Variants in MMEL1 observed in about 807,000 individuals in gnomAD.
MMEL1 encodes the protein membrane metalloendopeptidase like 1.
A neutral mutation model predicts 117.1 loss-of-function variants in MMEL1; 98 were observed. The observed-to-expected ratio is 0.84, with a 90% CI of 0.71 to 0.99. MMEL1 has a LOEUF of 0.99. Ranked by LOEUF, MMEL1 falls within the 50% of genes least tolerant of loss-of-function variation. The pLI is 0.00. For missense variants in MMEL1, 1,014 were observed against 1,049.1 expected (o/e 0.97, Z 0.46); for synonymous variants, 390 against 415.1 (o/e 0.94, Z 0.74).
intron 2 of MMEL1, among the ~76,000 whole-genome samples, chr1:2,621,014 A>G (rs762564250): frequency 3.9e-5 from 6 of 152,172 alleles, no homozygotes; most frequent in Non-Finnish European, 8.8e-5. Flanking sequence ...GCCAGGCGTG[A>G]TGGCTCACAC....
Position 2,609,650 on chromosome 1 carries a change from C to G in MMEL1, c.454+20G>C. The G allele has an allele frequency of 6.3e-7, 1 of 1,596,334 alleles. No individual in the cohort carries two copies. The highest frequency in any genetic ancestry group is 1.1e-5 in the South Asian group (1 of 87,896). On this transcript the variant is annotated intron_variant, in intron 5 of 23. Coordinates refer to ENST00000378412, the MANE Select transcript of MMEL1 (RefSeq NM_033467.4). ...CCTGTTCGGCGTCACCCCACTGCAC[C>G]CCCGGCCGTGCTCTGCCACCTTTGA...
Position 2,594,443 on chromosome 1 carries a change from G to A in MMEL1, c.1689C>T (p.Leu563=), listed in dbSNP as rs538747463. 9.7e-6 allele frequency: 15 copies of A among 1,551,426 alleles called. No homozygotes were observed. The African/African-American group carries it at 1.9e-4, about 20-fold the overall frequency. The change falls in exon 18 of 24, where the codon CTC becomes CTT. Residue 563 remains leucine (L), a splice_region_variant and synonymous_variant. Coordinates refer to ENST00000378412, the MANE Select transcript of MMEL1 (RefSeq NM_033467.4). ...TGACCACCGCCGCCCCGATGATCCAGCTGTGATAGACAAGCCGGTCTCTGG... is the reference window on the plus strand; with the variant it reads ...TGACCACCGCCGCCCCGATGATCCAACTGTGATAGACAAGCCGGTCTCTGG... ...RKLREKVDPN[L]WIIGAAVVNA... is the part of the protein sequence containing the mutation.
intron 18 of MMEL1, 177 bp from the exon 19 acceptor site, chr1:2,594,110 G>C (rs994053585): frequency 1.1e-6 from 1 of 903,936 alleles, no homozygotes; most frequent in African/African-American, 1.7e-5. Context: ...GGGCGGGCTC[G>C]TGCCTGGCAG....
At chr1:2,623,707 C>G (rs759934827) in intron 2 of MMEL1, among the ~76,000 whole-genome samples, 2 of 152,166 alleles carry the variant, frequency 1.3e-5, no homozygotes, top group Non-Finnish European at 2.9e-5. Flanking sequence ...TCCCAGATGC[C>G]GATGAGAAAG....
In MMEL1 at chr1:2,604,243, G is replaced by A. The variant is rs748758984; in HGVS notation, c.855C>T (p.Ala285=). 1.2e-6 allele frequency: 2 copies of A among 1,612,904 alleles called. No homozygotes were observed. Among genetic ancestry groups the A allele is most frequent in the South Asian group, 1.1e-5 (1 of 91,090 alleles). The change falls in exon 10 of 24, where the codon GCC becomes GCT. Residue 285 remains alanine, a synonymous_variant. Coordinates refer to ENST00000378412, the MANE Select transcript of MMEL1 (RefSeq NM_033467.4). ...GGTTTGCATCCTCCCGCAGCAACGT[G>A]GCCACTGACACCATGAACTGCAGGT... is the stretch of plus-strand genomic sequence containing the variant. The part of the protein sequence containing the change: ...EAYLQFMVSV[A]TLLREDANLP...
In MMEL1 at chr1:2,596,636, G is replaced by C. The variant is rs762060719; in HGVS notation, c.1326C>G (p.Tyr442Ter). Reference protein sequence around the residue: ...EEVRWRECVGYVNSNMENAVG... With the variant: ...EEVRWRECVG ...CGGCGTTCTCCATGTTGCTGTTGAC[G>C]TAGCCCACACATTCACGCCAGCGCA... The change falls in exon 14 of 24, where the codon TAC (tyrosine) becomes TAG (stop). Residue 442 changes from tyrosine to a stop codon, truncating the protein, a stop_gained. Transcript: ENST00000378412. LOFTEE classifies it high-confidence loss of function. The C allele has an allele frequency of 6.2e-7, 1 of 1,613,128 alleles. No individual in the cohort carries two copies. The highest frequency in any genetic ancestry group is 1.1e-5 in the South Asian group (1 of 91,090).
At chr1:2,594,030 TC>T in intron 18 of MMEL1, 97 bp from the exon 19 acceptor site, 1 of 1,430,956 alleles carries the variant, frequency 7.0e-7, no homozygotes, top group Non-Finnish European at 9.3e-7. Context: ...TGACACTTGA[TC>T]CCACAGACCG....
chr1:2,609,474 T>C (rs1167516589), intron 5 of MMEL1, 55 bp from the exon 6 acceptor site: 1 of 1,566,170 alleles, frequency 6.4e-7, no homozygotes, highest in South Asian at 1.1e-5. Context: ...AGGGGCCAGG[T>C]CACAGGTCCC....
chr1:2,612,256 G>C lies in MMEL1; in HGVS notation c.155-52C>G. 3 of 1,484,806 alleles carry C rather than the reference G, an allele frequency of 2.0e-6. No individual in the cohort carries two copies. The highest frequency in any genetic ancestry group is 1.8e-6 in the Non-Finnish European group (2 of 1,086,668). 92.0% of individuals were successfully genotyped at this position (1,484,806 alleles called of 1,614,324 possible). A position where few individuals can be genotyped will look rare whatever the true frequency, so the allele number is the denominator to read the frequency against. ...CGGCCTCCTGCCTGCAGCTCCCTGGGGGTGCTGGGGGCCTCCCTGGGTCAG... is the reference window on the plus strand; with the variant it reads ...CGGCCTCCTGCCTGCAGCTCCCTGGCGGTGCTGGGGGCCTCCCTGGGTCAG... On this transcript the variant is annotated intron_variant, in intron 2 of 23. Coordinates refer to ENST00000378412, the MANE Select transcript of MMEL1 (RefSeq NM_033467.4). This position sits in a 1 kb window ranked among gnomAD's most constrained non-coding sequence, Gnocchi z 5.4.
chr1:2,610,932 C>T (rs953831899), intron 4 of MMEL1, among the ~76,000 whole-genome samples: 2 of 152,236 alleles, frequency 1.3e-5, no homozygotes, highest in African/African-American at 4.8e-5. Context: ...GTACCTGACC[C>T]CCAATTTTAA....
chr1:2,596,748 TG>T, intron 13 of MMEL1, 59 bp from the exon 14 acceptor site: 1 of 1,597,872 alleles, frequency 6.3e-7, no homozygotes, highest in Non-Finnish European at 8.5e-7. Flanking sequence ...AGGCCTGGCG[TG>T]GGGCCCTGGG....
chr1:2,596,303 G>A (rs1429782146), intron 14 of MMEL1, among the ~76,000 whole-genome samples, 196 bp from the exon 15 acceptor site: 2 of 152,132 alleles, frequency 1.3e-5, no homozygotes, highest in Non-Finnish European at 2.9e-5. Flanking sequence ...TCCCTGCTGG[G>A]CTGTGGGTCC....
intron 2 of MMEL1, among the ~76,000 whole-genome samples, chr1:2,621,486 C>T (rs1220024814): frequency 6.6e-6 from 1 of 152,212 alleles, no homozygotes; most frequent in African/African-American, 2.4e-5. Flanking sequence ...TTCCAGCCAA[C>T]TGCTATCAGA....
Position 2,595,389 on chromosome 1 carries a change from G to C in MMEL1, c.1501-30C>G. ...GTGGGGAGGAGGGACTGGTCAGTGG[G>C]TGCCCCACTGCGGATGGAGTCAGCC... On this transcript the variant is annotated intron_variant, in intron 15 of 23. Coordinates refer to ENST00000378412, the MANE Select transcript of MMEL1 (RefSeq NM_033467.4). This position sits in a 1 kb window ranked among gnomAD's most constrained non-coding sequence, Gnocchi z 4.8. 1 of 1,602,818 alleles carries C rather than the reference G, an allele frequency of 6.2e-7. No individual in the cohort carries two copies. Among genetic ancestry groups the C allele is most frequent in the African/African-American group, 1.3e-5 (1 of 74,854 alleles).
chr1:2,592,986 G>A lies in MMEL1; in HGVS notation c.1868-20C>T. 1 of 1,611,476 alleles carries A rather than the reference G, an allele frequency of 6.2e-7. No individual in the cohort carries two copies. The highest frequency in any genetic ancestry group is 8.5e-7 in the Non-Finnish European group (1 of 1,179,350). On this transcript the variant is annotated intron_variant, in intron 19 of 23. Transcript: ENST00000378412. ...TCCGGCCTGGGCAGGGGCAGAGGAGGGCTGCCCACATGCCCCTGGCTGCAC... is the reference window on the plus strand; with the variant it reads ...TCCGGCCTGGGCAGGGGCAGAGGAGAGCTGCCCACATGCCCCTGGCTGCAC...
intron 1 of MMEL1, among the ~76,000 whole-genome samples, chr1:2,630,669 G>A (rs760080770): frequency 9.0e-4 from 137 of 151,586 alleles, no homozygotes; most frequent in Non-Finnish European, 7.5e-4. Context: ...TTATGTGTGC[G>A]GATATGCACG....
chr1:2,595,618 T>C lies in MMEL1; in HGVS notation c.1501-259A>G, dbSNP rs1195364651. Among the ~76,000 whole-genome samples the C allele has an allele frequency of 1.3e-5, 2 of 151,978 alleles. No homozygotes were observed. The highest frequency in any genetic ancestry group is 4.8e-5 in the African/African-American group (2 of 41,376). ...CCCAACAGCCCGCCAGGGGTCCGGG[T>C]GGGGGCAGGGGCCCTGGAGGGGTCA... On this transcript the variant is annotated intron_variant, in intron 15 of 23. Coordinates refer to ENST00000378412, the MANE Select transcript of MMEL1 (RefSeq NM_033467.4). The surrounding 1 kb of genome is among the most constrained non-coding windows in gnomAD (Gnocchi z 4.8).
chr1:2,631,654 C>T (rs1557567859), intron 1 of MMEL1, among the ~76,000 whole-genome samples: 1 of 152,108 alleles, frequency 6.6e-6, no homozygotes, highest in African/African-American at 2.4e-5. Context: ...CTCTGTGAAC[C>T]GCAGCGTTCA....
chr1:2,613,217 G>C (rs1212760485), intron 2 of MMEL1, among the ~76,000 whole-genome samples: 1 of 152,214 alleles, frequency 6.6e-6, no homozygotes, highest in South Asian at 2.1e-4. Flanking sequence ...TGCATACACC[G>C]AGGTAAAGTG....
Sources: gnomAD v4.1 joint callset for allele counts (sites outside exome capture counted in the v4.1 genomes callset) on GRCh38, gnomAD v4.1.1 for gene constraint, Gnocchi (gnomAD v3.1) non-coding constraint, MANE v1.5 for transcripts, NCBI Gene and HGNC (gene_info 2026-07-23, HGNC 2026-07-21) for gene names.